The following NT5C1B variants were observed in gnomAD, a reference collection of about 807,000 sequenced individuals.
NT5C1B encodes 5'-nucleotidase, cytosolic IB, also known as cytosolic 5'-nucleotidase 1B.
In NT5C1B, 44 loss-of-function variants were observed where a neutral mutation model predicts 57.8. The ratio of observed to expected loss-of-function variants is 0.76; its 90% CI spans 0.60 to 0.98. The LOEUF (loss-of-function observed/expected upper bound fraction) is 0.98, where lower values mean the gene tolerates loss of function less well. Among genes scored for constraint, NT5C1B ranks in the 50% least tolerant of loss-of-function variants. NT5C1B has a pLI of 0.00. For missense variants in NT5C1B, 742 were observed against 719.5 expected, an observed-to-expected ratio of 1.03 and a Z score of -0.36; for synonymous variants, 284 against 282.6, an observed-to-expected ratio of 1.00 and a Z score of -0.05.
intron 6 of NT5C1B, among the ~76,000 whole-genome samples, chr2:18,579,740 T>A (rs919303115): frequency 6.6e-6 from 1 of 152,048 alleles, no homozygotes; most frequent in Non-Finnish European, 1.5e-5. Flanking sequence ...GATTTCATGA[T>A]GAAGACACCA....
chr2:18,563,734 G>A (rs2148066325), exon 9 of NT5C1B: 38 of 1,434,554 alleles, frequency 2.6e-5, no homozygotes, highest in Non-Finnish European at 3.5e-5. Context: ...TTATCCTAGA[G>A]AGCCAAAAGA....
exon 7 of NT5C1B, chr2:18,576,817 T>C (rs1665719924): frequency 6.2e-7 from 1 of 1,613,954 alleles, no homozygotes; most frequent in Non-Finnish European, 8.5e-7. Context: ...TGCAGCAATA[T>C]ACAAGTTGGT....
exon 9 of NT5C1B, chr2:18,563,395 C>A (rs961676998): frequency 1.3e-5 from 2 of 155,944 alleles, no homozygotes; most frequent in South Asian, 2.0e-4. Flanking sequence ...CATACTCCTT[C>A]TACCTTTGAA....
chr2:18,572,869 G>A (rs942938360), intron 8 of NT5C1B, among the ~76,000 whole-genome samples: 10 of 152,168 alleles, frequency 6.6e-5, no homozygotes, highest in African/African-American at 1.2e-4. Flanking sequence ...ATGTTATGTC[G>A]TTTGGGAAAA....
chr2:18,585,970 TGAAG>T (rs1359424873), intron 3 of NT5C1B, among the ~76,000 whole-genome samples: 7 of 152,128 alleles, frequency 4.6e-5, no homozygotes, highest in African/African-American at 1.7e-4. Flanking sequence ...ATTTGTTGAA[TGAAG>T]GAAGGAAGGA....
At chr2:18,564,144 C>G in intron 8 of NT5C1B, 25 bp from the exon 9 acceptor site, 1 of 1,524,606 alleles carries the variant, frequency 6.6e-7, no homozygotes, top group Middle Eastern at 1.9e-4. Context: ...TATATCACAG[C>G]TGTGATACAG....
At chr2:18,582,560 G>A (rs1024372916) in intron 6 of NT5C1B, among the ~76,000 whole-genome samples, 1 of 152,176 alleles carries the variant, frequency 6.6e-6, no homozygotes, top group Non-Finnish European at 1.5e-5. Flanking sequence ...TTGGGTTGAC[G>A]GCTTCTTGAA....
At chr2:18,588,279 G>T (rs1027741103) in intron 1 of NT5C1B, among the ~76,000 whole-genome samples, 1 of 152,168 alleles carries the variant, frequency 6.6e-6, no homozygotes, top group Non-Finnish European at 1.5e-5. Flanking sequence ...ATACTTATTG[G>T]AATATTATTT....
intron 8 of NT5C1B, among the ~76,000 whole-genome samples, chr2:18,567,525 G>A (rs1188766762): frequency 1.3e-5 from 2 of 152,186 alleles, no homozygotes; most frequent in Non-Finnish European, 2.9e-5. Flanking sequence ...GGGAAGGCCT[G>A]CTGCTGAAAG....
chr2:18,579,807 G>A (rs894513644), intron 6 of NT5C1B, among the ~76,000 whole-genome samples: 1 of 152,130 alleles, frequency 6.6e-6, no homozygotes, highest in South Asian at 2.1e-4. Context: ...AAACTAAAGA[G>A]CTTCTGCATA....
chr2:18,569,688 CAG>C (rs1664977487), intron 8 of NT5C1B, among the ~76,000 whole-genome samples: 2 of 151,852 alleles, frequency 1.3e-5, no homozygotes, highest in Non-Finnish European at 2.9e-5. Context: ...CACCTAAAAA[CAG>C]AGATTCAAAA....
exon 9 of NT5C1B, chr2:18,563,600 G>T: frequency 2.0e-6 from 1 of 508,594 alleles, no homozygotes; most frequent in Non-Finnish European, 3.4e-6. Flanking sequence ...CAACAGTATT[G>T]GTAGTTCAAA....
At chr2:18,568,134 C>T (rs1040379678) in intron 8 of NT5C1B, among the ~76,000 whole-genome samples, 11 of 145,250 alleles carry the variant, frequency 7.6e-5, no homozygotes, top group Middle Eastern at 3.5e-3. Context: ...ACTCCCCTCT[C>T]ATATTCAAAC....
exon 8 of NT5C1B, chr2:18,576,214 A>G (rs777397145): frequency 6.9e-5 from 111 of 1,613,304 alleles, no homozygotes; most frequent in Non-Finnish European, 9.1e-5. Flanking sequence ...CACATAATGT[A>G]TCATACTGGA....
chr2:18,586,335 A>C (rs550645892), exon 3 of NT5C1B: 1 of 1,614,112 alleles, frequency 6.2e-7, no homozygotes, highest in South Asian at 1.1e-5. Context: ...TAGACCATTG[A>C]CTGCGCACAA....
At chr2:18,569,522 A>G (rs1664961067) in intron 8 of NT5C1B, among the ~76,000 whole-genome samples, 1 of 152,180 alleles carries the variant, frequency 6.6e-6, no homozygotes, top group East Asian at 1.9e-4. Context: ...CACAATTTAA[A>G]TATAAAGACA....
chr2:18,570,158 T>TA (rs200994265), intron 8 of NT5C1B, among the ~76,000 whole-genome samples: 7 of 151,422 alleles, frequency 4.6e-5, no homozygotes, highest in Non-Finnish European at 1.0e-4. Context: ...TTGAATTAAA[T>TA]AAAAAAAAAT....
chr2:18,582,067 G>A (rs999350803), intron 6 of NT5C1B, among the ~76,000 whole-genome samples: 3 of 152,106 alleles, frequency 2.0e-5, no homozygotes, highest in Non-Finnish European at 4.4e-5. Context: ...CTAGATGATT[G>A]CTATATGCCA....
chr2:18,580,608 T>C (rs991195724), intron 6 of NT5C1B, among the ~76,000 whole-genome samples: 3 of 152,036 alleles, frequency 2.0e-5, no homozygotes, highest in Non-Finnish European at 2.9e-5. Flanking sequence ...AGAGCAAAAT[T>C]CCGTCTCAAA....
Sources: gnomAD v4.1 joint callset for allele counts (sites outside exome capture counted in the v4.1 genomes callset) on GRCh38, gnomAD v4.1.1 for gene constraint, MANE v1.5 for transcripts, NCBI Gene and HGNC (gene_info 2026-07-23, HGNC 2026-07-21) for gene names.